RELCH: variants seen among roughly 807,000 people sequenced by gnomAD.
RELCH encodes the protein RAB11-binding protein RELCH.
Under a neutral mutation model 150.3 loss-of-function variants are expected in RELCH, and 41 were observed. That is an observed-to-expected ratio of 0.27 (90% CI 0.21 to 0.35). RELCH has a LOEUF of 0.35. Among genes scored for constraint, RELCH ranks in the 10% least tolerant of loss-of-function variants. The probability of loss-of-function intolerance (pLI) is 1.00; values close to 1 mark genes in which losing one functional copy is unlikely to be tolerated. For missense variants in RELCH, 1,092 were observed against 1,467.8 expected, an observed-to-expected ratio of 0.74 and a Z score of 4.18; for synonymous variants, 478 against 531.8, an observed-to-expected ratio of 0.90 and a Z score of 1.39.
At chr18:62,269,639 T>C (rs1460010914) in intron 20 of RELCH, 1 of 190,404 alleles carries the variant, frequency 5.3e-6, no homozygotes. Context: ...GGCATCACGA[T>C]CATCATTCCT....
chr18:62,234,814 T>A (rs1184859648), intron 10 of RELCH: 3 of 152,008 alleles, frequency 2.0e-5, no homozygotes, highest in Non-Finnish European at 4.4e-5. Context: ...AGAGTTTTTT[T>A]ATATATTCTG....
chr18:62,206,553 T>C (rs2039794037), intron 1 of RELCH, among the ~76,000 whole-genome samples: 1 of 152,232 alleles, frequency 6.6e-6, no homozygotes, highest in South Asian at 2.1e-4. Context: ...TTTGTCAAGA[T>C]TGTGCTTTCT....
intron 22 of RELCH, chr18:62,277,599 A>G: frequency 2.2e-6 from 2 of 900,760 alleles, no homozygotes; most frequent in Non-Finnish European, 2.7e-6. Context: ...ACCAGAAAGA[A>G]AAGAAAATGA....
chr18:62,235,134 T>A (rs916847422), intron 10 of RELCH: 1 of 152,028 alleles, frequency 6.6e-6, no homozygotes, highest in Non-Finnish European at 1.5e-5. Flanking sequence ...TCATTTTGAG[T>A]TAATTTTTAT....
At chr18:62,212,695 G>T (rs2040243307) in intron 2 of RELCH, among the ~76,000 whole-genome samples, 1 of 152,138 alleles carries the variant, frequency 6.6e-6, no homozygotes, top group Non-Finnish European at 1.5e-5. Context: ...GGCTCTGAGA[G>T]AAATTATGTA....
At chr18:62,284,926 C>G (rs1352871397) in intron 25 of RELCH, among the ~76,000 whole-genome samples, 1 of 151,160 alleles carries the variant, frequency 6.6e-6, no homozygotes, top group African/African-American at 2.4e-5. Context: ...TAGTAAGACT[C>G]TCTGAAAATG....
chr18:62,203,998 A>T (rs1278942642), intron 1 of RELCH, among the ~76,000 whole-genome samples: 1 of 152,106 alleles, frequency 6.6e-6, no homozygotes, highest in Non-Finnish European at 1.5e-5. Context: ...GCAAGATATA[A>T]GATTGTATAT....
Position 62,282,295 on chromosome 18 carries a change from C to G in RELCH, c.3115-11C>G, listed in dbSNP as rs1771527006. 6.2e-7 allele frequency: 1 copy of G among 1,609,540 alleles called. No individual in the cohort carries two copies. Among genetic ancestry groups the G allele is most frequent in the South Asian group, 1.1e-5 (1 of 90,848 alleles). On this transcript the variant is annotated splice_polypyrimidine_tract_variant and intron_variant, in intron 24 of 28. Coordinates refer to ENST00000644646, the MANE Select transcript of RELCH (RefSeq NM_001346231.2). ...ATTCTATGAAATGACTGTACAATAT[C>G]CAATTTTAAGTTGCTGGAAAGAGTG...
At chr18:62,288,157 G>A (rs1238727471) in intron 26 of RELCH, among the ~76,000 whole-genome samples, 2 of 152,068 alleles carry the variant, frequency 1.3e-5, no homozygotes, top group East Asian at 1.9e-4. Flanking sequence ...TAAAGATAAC[G>A]ATGGGCAAAG....
chr18:62,199,110 T>C (rs567553555), intron 1 of RELCH, among the ~76,000 whole-genome samples: 34 of 149,366 alleles, frequency 2.3e-4, no homozygotes, highest in African/African-American at 5.4e-4. Context: ...GTCCACATTA[T>C]TTTTTTTTTC....
chr18:62,224,335 A>T (rs975516791), intron 5 of RELCH, among the ~76,000 whole-genome samples: 6 of 150,196 alleles, frequency 4.0e-5, no homozygotes, highest in African/African-American at 7.3e-5. Flanking sequence ...CCACACTAAC[A>T]TCATTCTTAA....
At chr18:62,267,460 AAT>A (rs568371091) in intron 19 of RELCH, among the ~76,000 whole-genome samples, 1 of 131,362 alleles carries the variant, frequency 7.6e-6, no homozygotes, top group Non-Finnish European at 1.7e-5. Flanking sequence ...GTGTGTATAG[AAT>A]ATATATATAG....
chr18:62,301,223 A>G (rs2045649728), intron 28 of RELCH, among the ~76,000 whole-genome samples: 1 of 152,260 alleles, frequency 6.6e-6, no homozygotes, highest in South Asian at 2.1e-4. Context: ...GCTAGAGTAC[A>G]GAGTACATGT....
intron 19 of RELCH, among the ~76,000 whole-genome samples, chr18:62,267,236 A>G (rs1296246413): frequency 6.6e-6 from 1 of 151,838 alleles, no homozygotes; most frequent in African/African-American, 2.4e-5. Context: ...TCACTCATCT[A>G]CTTTAACGAG....
intron 13 of RELCH, among the ~76,000 whole-genome samples, chr18:62,255,792 A>T (rs190004657): frequency 1.3e-5 from 2 of 152,208 alleles, no homozygotes; most frequent in East Asian, 3.9e-4. Context: ...TTTTCATAAT[A>T]ATAAGACACT....
intron 12 of RELCH, among the ~76,000 whole-genome samples, 187 bp from the exon 13 acceptor site, chr18:62,255,220 C>T (rs1401431511): frequency 6.6e-6 from 1 of 152,018 alleles, no homozygotes; most frequent in Admixed American, 6.6e-5. Flanking sequence ...CCCCTGTAAC[C>T]TCATATTTAG....
chr18:62,194,470 G>A (rs1254382931), intron 1 of RELCH, among the ~76,000 whole-genome samples: 1 of 152,162 alleles, frequency 6.6e-6, no homozygotes, highest in African/African-American at 2.4e-5. Context: ...TATCATAAAG[G>A]AGAAAAGAAA....
chr18:62,261,759 A>G (rs2144693902), intron 16 of RELCH, 101 bp downstream of exon 16: 1 of 1,004,006 alleles, frequency 1.0e-6, no homozygotes, highest in South Asian at 1.7e-5. Context: ...TTTATATGAC[A>G]GCATAATTTT....
At chr18:62,293,688 G>A (rs2045268625) in intron 27 of RELCH, among the ~76,000 whole-genome samples, 1 of 151,584 alleles carries the variant, frequency 6.6e-6, no homozygotes, top group African/African-American at 2.4e-5. Context: ...AAAGTTGATG[G>A]GGGAAAAAAG....
Sources: allele counts gnomAD v4.1 joint callset (sites outside exome capture counted in the v4.1 genomes callset), GRCh38; gene constraint gnomAD v4.1.1; transcripts MANE v1.5; gene names NCBI Gene and HGNC (gene_info 2026-07-23, HGNC 2026-07-21).